The following ABCA2 variants were observed in gnomAD, a reference collection of about 807,000 sequenced individuals.
ABCA2 encodes ATP-binding cassette sub-family A member 2.
ABCA2 carries 84 observed loss-of-function variants against 262.8 expected under a neutral mutation model. That is an observed-to-expected ratio of 0.32 (90% confidence interval 0.27 to 0.38). The LOEUF is 0.38. ABCA2 is among the 10% of genes least tolerant of loss of function. The probability of loss-of-function intolerance (pLI) is 1.00; values close to 1 mark genes in which losing one functional copy is unlikely to be tolerated. For missense variants in ABCA2, 2,662 were observed against 3,405.9 expected, an observed-to-expected ratio of 0.78 and a Z score of 5.44; for synonymous variants, 1,696 against 1,502.9, an observed-to-expected ratio of 1.13 and a Z score of -2.97.
chr9:137,021,152 G>C lies in ABCA2; in HGVS notation c.898-91C>G, dbSNP rs1292260112. 1 of 1,429,336 alleles carries C rather than the reference G, an allele frequency of 7.0e-7. No individual in the cohort carries two copies. The highest frequency in any genetic ancestry group is 9.2e-7 in the Non-Finnish European group (1 of 1,092,274). The allele number at this position is 1,429,336 out of a possible 1,614,324, so 88.5% of individuals were successfully genotyped here. A position where few individuals can be genotyped will look rare whatever the true frequency, so the allele number is the denominator to read the frequency against. On this transcript the variant is annotated intron_variant, in intron 8 of 48. Transcript: ENST00000341511. This position sits in a 1 kb window ranked among gnomAD's most constrained non-coding sequence, Gnocchi z 6.0. Reference sequence around the variant, plus strand: ...AGTGGAGCAGGGAGACAGCAGCAGGGAGACACAAGCTAGGGGTGCTGGGAG... The same window carrying C: ...AGTGGAGCAGGGAGACAGCAGCAGGCAGACACAAGCTAGGGGTGCTGGGAG...
In ABCA2 at chr9:137,009,522, G is replaced by T; in HGVS notation, c.6734+19C>A. 1.2e-6 allele frequency: 2 copies of T among 1,612,322 alleles called. No individual in the cohort carries two copies. The highest frequency in any genetic ancestry group is 1.1e-5 in the South Asian group (1 of 91,074). On this transcript the variant is annotated intron_variant, in intron 44 of 48. Transcript: ENST00000341511. ...TGCTGTGGGGTGGGGGCACAAAGAG[G>T]GGGTGGGGGCGCCCTCACCTGTGTG...
rs1171662739 is a variant in ABCA2, at chr9:137,023,384, C to T, written c.164-332G>A. 3 of 708,812 alleles carry T rather than the reference C, an allele frequency of 4.2e-6. No homozygotes were observed. In the Admixed American group the frequency reaches 5.4e-5, roughly 13 times the overall value. 43.9% of individuals were successfully genotyped at this position (708,812 alleles called of 1,614,324 possible). ...CGAAAACGTTTCAGGTGTGGCACTGCCTACAGAGCCCAGGGGAGGACAAAG... is the reference window on the plus strand; with the variant it reads ...CGAAAACGTTTCAGGTGTGGCACTGTCTACAGAGCCCAGGGGAGGACAAAG... On this transcript the variant is annotated intron_variant, in intron 3 of 48. Coordinates refer to ENST00000341511, the MANE Select transcript of ABCA2 (RefSeq NM_001606.5).
At chr9:137,017,766 G>A in intron 16 of ABCA2, 21 bp downstream of exon 16, 1 of 1,611,598 alleles carries the variant, frequency 6.2e-7, no homozygotes, top group Admixed American at 1.7e-5. Context: ...GCGCCTCCAG[G>A]GAGAGTCCCG....
chr9:137,020,856 G>A lies in ABCA2; in HGVS notation c.1103C>T (p.Ala368Val), dbSNP rs1430570048. 6.5e-7 allele frequency: 1 copy of A among 1,543,962 alleles called. No homozygotes were observed. Among genetic ancestry groups the A allele is most frequent in the East Asian group, 2.4e-5 (1 of 41,286 alleles). Residue 368 changes from alanine to valine, a missense_variant, in exon 9 of 49, where the codon GCC (alanine) becomes GTC (valine). Physicochemically the swap from Ala to Val is moderately conservative, Grantham distance 64. This residue lies in a region of ABCA2 where 403 missense variants were observed against 375.9 expected (regional missense o/e 1.07). Transcript: ENST00000341511. ...GACTGCCCCTGCCCCAGTGCCATTGGCCGCCCCACCCGCACCACTGGCTGG... is the reference window on the plus strand; with the variant it reads ...GACTGCCCCTGCCCCAGTGCCATTGACCGCCCCACCCGCACCACTGGCTGG... ...GPPASGAGGAANGTGAGAVMG... is the reference protein window; with the variant it reads ...GPPASGAGGAVNGTGAGAVMG...
Position 137,022,121 on chromosome 9 carries a change from G to T in ABCA2, c.568-120C>A, listed in dbSNP as rs548617771. The T allele has an allele frequency of 6.5e-6, 4 of 617,386 alleles. No individual in the cohort carries two copies. The African/African-American group carries it at 9.3e-5, about 14-fold the overall frequency. The allele number at this position is 617,386 out of a possible 1,614,324, so 38.2% of individuals were successfully genotyped here. A position where few individuals can be genotyped will look rare whatever the true frequency, so the allele number is the denominator to read the frequency against. ...AGATGGTGGGGGCGTGGCTCAGAGA[G>T]TGGGGGCGTGGCTCAGATGGTGGGG... On this transcript the variant is annotated intron_variant, in intron 6 of 48. Transcript: ENST00000341511.
chr9:137,027,928 G>A, intron 1 of ABCA2, 147 bp downstream of exon 1: 1 of 219,096 alleles, frequency 4.6e-6, no homozygotes, highest in Non-Finnish European at 7.6e-6. Flanking sequence ...GCAGGGCCCG[G>A]CGGGGAGGGG....
In ABCA2 at chr9:137,021,815, T is replaced by TC; in HGVS notation, c.678+75_678+76insG. On this transcript the variant is annotated intron_variant, in intron 7 of 48. Transcript: ENST00000341511. This position sits in a 1 kb window ranked among gnomAD's most constrained non-coding sequence, Gnocchi z 6.0. ...AGCTCCAAGTCACCAAAGGGGCCCT[T>TC]TCCTCACCCACGGAGCAGAAGCACC... The TC allele has an allele frequency of 7.1e-7, 1 of 1,408,074 alleles. No individual in the cohort carries two copies. Among genetic ancestry groups the TC allele is most frequent in the South Asian group, 1.2e-5 (1 of 81,092 alleles). 87.2% of individuals were successfully genotyped at this position (1,408,074 alleles called of 1,614,324 possible). A position where few individuals can be genotyped will look rare whatever the true frequency, so the allele number is the denominator to read the frequency against.
rs890852182 is a variant in ABCA2, at chr9:137,021,018, G to A, written c.941C>T (p.Ala314Val). The A allele has an allele frequency of 1.9e-5, 28 of 1,487,646 alleles. No individual in the cohort carries two copies. The highest frequency in any genetic ancestry group is 3.5e-4 in the Middle Eastern group (2 of 5,694). 92.2% of individuals were successfully genotyped at this position (1,487,646 alleles called of 1,614,324 possible). A position where few individuals can be genotyped will look rare whatever the true frequency, so the allele number is the denominator to read the frequency against. ...APNGSDSSPQ[A>V]PPPRRLQALL... ...CGCCTGCAGCCTCCGTGGGGGTGGCGCCTGTGGCGAGGAGTCCGAGCCGTT... is the reference window on the plus strand; with the variant it reads ...CGCCTGCAGCCTCCGTGGGGGTGGCACCTGTGGCGAGGAGTCCGAGCCGTT... Residue 314 changes from alanine (A) to valine (V), a missense_variant, in exon 9 of 49, where the codon GCG becomes GTG. Transcript: ENST00000341511. The surrounding 1 kb of genome is among the most constrained non-coding windows in gnomAD (Gnocchi z 6.0).
chr9:137,019,262 G>A lies in ABCA2; in HGVS notation c.1470C>T (p.Ala490=), dbSNP rs1224077302. Residue 490 remains alanine (A), a synonymous_variant, in exon 11 of 49, where the codon GCC becomes GCT. Coordinates refer to ENST00000341511, the MANE Select transcript of ABCA2 (RefSeq NM_001606.5). The surrounding 1 kb of genome is among the most constrained non-coding windows in gnomAD (Gnocchi z 4.4). ...FAFVGNVTHY[A]QVWLNISAEI... is the part of the protein sequence containing the mutation. Reference sequence around the variant, plus strand: ...CCGCCGAGATGTTGAGCCAGACCTGGGCATAGTGAGTCACGTTGCCCACAA... The same window carrying A: ...CCGCCGAGATGTTGAGCCAGACCTGAGCATAGTGAGTCACGTTGCCCACAA... 1 of 1,612,696 alleles carries A rather than the reference G, an allele frequency of 6.2e-7. No homozygotes were observed. Among genetic ancestry groups the A allele is most frequent in the Admixed American group, 1.7e-5 (1 of 60,002 alleles).
At position 137,008,821 on chromosome 9, in the gene ABCA2, G is replaced by C. The variant is rs1830925085; in HGVS notation, c.6978C>G (p.Ile2326Met). The C allele has an allele frequency of 2.5e-6, 4 of 1,605,274 alleles. No individual in the cohort carries two copies. Among genetic ancestry groups the C allele is most frequent in the Non-Finnish European group, 3.4e-6 (4 of 1,179,410 alleles). The change falls in exon 47 of 49, where the codon ATC becomes ATG. Residue 2326 changes from isoleucine to methionine, a missense_variant. Ile to Met is a conservative substitution (Grantham distance 10). Transcript: ENST00000341511. ...TCTTGCTGAACACCTGGGCCAGCGA[G>C]ATGTGCTCCGACTTGAGCTGGTACT... The part of the protein sequence containing the change: ...KVQYQLKSEH[I>M]SLAQVFSKME...
chr9:137,028,232 C>T lies in ABCA2; in HGVS notation c.-92G>A. 1.0e-6 allele frequency: 1 copy of T among 979,210 alleles called. No individual in the cohort carries two copies. Among genetic ancestry groups the T allele is most frequent in the Non-Finnish European group, 1.2e-6 (1 of 827,318 alleles). The allele number at this position is 979,210 out of a possible 1,614,324, so 60.7% of individuals were successfully genotyped here. On this transcript the variant is annotated 5_prime_UTR_variant, in exon 1 of 49. Transcript: ENST00000341511. The surrounding 1 kb of genome is among the most constrained non-coding windows in gnomAD (Gnocchi z 6.9). ...AGCCCGCCGCGCCGCTGGGCATCGC[C>T]CGCGCGGGGGCGGGGCGCTCGGGCG...
At chr9:137,023,730 C>T (rs1831557469) in intron 3 of ABCA2, 108 bp downstream of exon 3, 1 of 709,864 alleles carries the variant, frequency 1.4e-6, no homozygotes, top group African/African-American at 1.8e-5. Flanking sequence ...GGCAGGGGGC[C>T]CGGGAGGGCT....
intron 28 of ABCA2, 109 bp downstream of exon 28, chr9:137,013,723 G>C: frequency 7.2e-7 from 1 of 1,384,968 alleles, no homozygotes; most frequent in Non-Finnish European, 9.9e-7. Context: ...CCAGCCTCAG[G>C]TGTGGGGTGA....
rs771664356 is a variant in ABCA2 at position 137,010,180 on chromosome 9, G to A, written c.6353+13C>T. 8.8e-6 allele frequency: 14 copies of A among 1,596,946 alleles called. No individual in the cohort carries two copies. The Admixed American group carries it at 2.0e-4, about 23-fold the overall frequency. ...GACGCGGCGGCCCCGCCCACCCAGGGCTCCCGCCCCACCTGTGTCCATTGA... is the reference window on the plus strand; with the variant it reads ...GACGCGGCGGCCCCGCCCACCCAGGACTCCCGCCCCACCTGTGTCCATTGA... On this transcript the variant is annotated intron_variant, in intron 41 of 48. Coordinates refer to ENST00000341511, the MANE Select transcript of ABCA2 (RefSeq NM_001606.5).
At position 137,018,722 on chromosome 9, in the gene ABCA2, C is replaced by T. The variant is rs1831350895; in HGVS notation, c.1816G>A (p.Ala606Thr). The T allele has an allele frequency of 6.2e-7, 1 of 1,610,236 alleles. No homozygotes were observed. The highest frequency in any genetic ancestry group is 1.1e-5 in the South Asian group (1 of 90,962). ...CGGGGCGGGGAGGGCAGCTCACTGG[C>T]AAAAACAGTGACGTTGTCCTGGTAG... ...QAYQDNVTVF[A>T]SVIFQTRKDG... The change falls in exon 13 of 49, where the codon GCC (alanine) becomes ACC (threonine). Residue 606 changes from alanine to threonine, a missense_variant. Physicochemically the swap from Ala to Thr is moderately conservative, Grantham distance 58. Around this residue, in one of 12 missense-constraint regions of ABCA2, gnomAD observed 187 missense variants for 205.9 expected, o/e 0.91. Transcript: ENST00000341511.
At chr9:137,022,118 A>ATGTAC (rs1831482202) in intron 6 of ABCA2, 117 bp from the exon 7 acceptor site, 1 of 183,866 alleles carries the variant, frequency 5.4e-6, no homozygotes, top group Admixed American at 1.1e-4. Flanking sequence ...CGTGGCTCAG[A>ATGTAC]GAGTGGGGGC....
rs778912810 is a variant in ABCA2 at position 137,013,165 on chromosome 9, C to T, written c.4704G>A (p.Ala1568=). The T allele has an allele frequency of 2.6e-5, 41 of 1,599,830 alleles. No homozygotes were observed. The highest frequency in any genetic ancestry group is 5.4e-5 in the African/African-American group (4 of 74,678). ...NLSSGESRLL[A]ARFFDSMCLE... is the part of the protein sequence containing the mutation. The stretch of plus-strand genomic sequence containing the variant: ...GACACATGCTGTCGAAGAACCGAGC[C>T]GCCAGCAGGCGCGACTCCCCGCTGC... The change falls in exon 30 of 49, where the codon GCG becomes GCA. Residue 1568 remains alanine, a synonymous_variant. Transcript: ENST00000341511.
chr9:137,010,686 A>G lies in ABCA2; in HGVS notation c.6108T>C (p.Ser2036=). 1 of 1,609,604 alleles carries G rather than the reference A, an allele frequency of 6.2e-7. No homozygotes were observed. The highest frequency in any genetic ancestry group is 8.5e-7 in the Non-Finnish European group (1 of 1,179,140). ...CTCCCCGGAGCACTCGCTGCCGCTC[A>G]CTGGCCACGTCCACATCATCCTCCA... ...KPVEDDVDVA[S]ERQRVLRGDA... is the part of the protein sequence containing the mutation. Residue 2036 remains serine (S), a synonymous_variant, in exon 40 of 49, where the codon AGT becomes AGC. Transcript: ENST00000341511.
chr9:137,015,920 G>A lies in ABCA2; in HGVS notation c.3317+42C>T, dbSNP rs1831242286. Reference sequence around the variant, plus strand: ...GGGCTGCTGCTATGCAGAGCCCCAGGGCCTCCGCCCACCTGCCCCGCCCCC... The same window carrying A: ...GGGCTGCTGCTATGCAGAGCCCCAGAGCCTCCGCCCACCTGCCCCGCCCCC... On this transcript the variant is annotated intron_variant, in intron 22 of 48. Coordinates refer to ENST00000341511, the MANE Select transcript of ABCA2 (RefSeq NM_001606.5). 2.5e-6 allele frequency: 4 copies of A among 1,602,722 alleles called. No individual in the cohort carries two copies. In the East Asian group the frequency reaches 6.7e-5, roughly 27 times the overall value.
Sources: gnomAD v4.1 joint callset for allele counts on GRCh38, gnomAD v4.1.1 for gene constraint, gnomAD v4.1.1 regional missense constraint, Gnocchi (gnomAD v3.1) non-coding constraint, MANE v1.5 for transcripts, NCBI Gene and HGNC (gene_info 2026-07-23, HGNC 2026-07-21) for gene names.